BMAL1: variants seen among roughly 807,000 people sequenced by gnomAD.
BMAL1 encodes basic helix-loop-helix ARNT-like protein 1.
chr11:13,340,124 T>A, the BMAL1 span, among the ~76,000 whole-genome samples: 16 of 152,366 alleles, frequency 1.1e-4, no homozygotes, highest in Admixed American at 5.2e-4. Context: ...CTGGCATATG[T>A]GGGTTCTCAA....
At chr11:13,300,349 G>A in the BMAL1 span, among the ~76,000 whole-genome samples, 202 of 152,302 alleles carry the variant, frequency 1.3e-3, 3 homozygotes, top group East Asian at 0.03. Flanking sequence ...AATGGCCCAA[G>A]ATTTAATAGC....
chr11:13,365,305 A>ACG, the BMAL1 span: 3 of 447,516 alleles, frequency 6.7e-6, no homozygotes, highest in Non-Finnish European at 1.2e-5. Context: ...ACACACACAC[A>ACG]CACACACACA....
chr11:13,342,051 G>A, the BMAL1 span, among the ~76,000 whole-genome samples: 40 of 152,328 alleles, frequency 2.6e-4, no homozygotes, highest in African/African-American at 9.6e-4. Flanking sequence ...GAGTGCAGAG[G>A]GGAACAAGGC....
the BMAL1 span, chr11:13,369,915 ATG>A: frequency 1.0e-6 from 1 of 990,498 alleles, no homozygotes; most frequent in Non-Finnish European, 1.5e-6. Flanking sequence ...AGTCCTCCCT[ATG>A]TGTAGGGCAG....
chr11:13,300,036 G>A, the BMAL1 span, among the ~76,000 whole-genome samples: 1 of 152,302 alleles, frequency 6.6e-6, no homozygotes, highest in Non-Finnish European at 1.5e-5. Context: ...CCTCATGGCT[G>A]TTTGAGGATG....
At chr11:13,368,649 C>G in the BMAL1 span, among the ~76,000 whole-genome samples, 1 of 152,132 alleles carries the variant, frequency 6.6e-6, no homozygotes, top group African/African-American at 2.4e-5. Context: ...GTGTGTTTTC[C>G]CTCGGCTTCT....
At chr11:13,384,565 T>C in the BMAL1 span, among the ~76,000 whole-genome samples, 1 of 152,194 alleles carries the variant, frequency 6.6e-6, no homozygotes, top group Non-Finnish European at 1.5e-5. Context: ...ATTTGAAAAG[T>C]CTATTAAAAT....
At chr11:13,326,882 C>G in the BMAL1 span, among the ~76,000 whole-genome samples, 417 of 151,780 alleles carry the variant, frequency 2.7e-3, 1 homozygote, top group African/African-American at 9.6e-3. Flanking sequence ...TGCAGTGGTG[C>G]GATCTCGGCT....
At chr11:13,354,133 T>C in the BMAL1 span, among the ~76,000 whole-genome samples, 1 of 152,234 alleles carries the variant, frequency 6.6e-6, no homozygotes, top group Non-Finnish European at 1.5e-5. Flanking sequence ...CACATGCCTG[T>C]TCTGGGTCCG....
the BMAL1 span, among the ~76,000 whole-genome samples, chr11:13,283,889 G>C: frequency 6.6e-6 from 1 of 151,862 alleles, no homozygotes; most frequent in Non-Finnish European, 1.5e-5. Flanking sequence ...GGCTCAGCCA[G>C]CTCCTCCCCA....
the BMAL1 span, chr11:13,354,995 T>C: frequency 5.3e-6 from 2 of 379,846 alleles, no homozygotes; most frequent in Non-Finnish European, 4.8e-6. Context: ...TTTAGACTTG[T>C]TGACTTTTCG....
At chr11:13,328,020 T>C in the BMAL1 span, among the ~76,000 whole-genome samples, 1 of 152,202 alleles carries the variant, frequency 6.6e-6, no homozygotes, top group Non-Finnish European at 1.5e-5. Flanking sequence ...ACTATACCTG[T>C]TTCATTGATA....
At chr11:13,369,744 C>A in the BMAL1 span, 1 of 1,611,616 alleles carries the variant, frequency 6.2e-7, no homozygotes, top group Non-Finnish European at 8.5e-7. Context: ...AAGGACTTCC[C>A]CTCTACCTGC....
the BMAL1 span, among the ~76,000 whole-genome samples, chr11:13,384,663 G>T: frequency 1.3e-5 from 2 of 152,078 alleles, no homozygotes; most frequent in Non-Finnish European, 2.9e-5. Context: ...TAGACTGAAT[G>T]GAAAAACATA....
chr11:13,357,232 A>G, the BMAL1 span: 13 of 1,321,308 alleles, frequency 9.8e-6, no homozygotes, highest in African/African-American at 1.8e-4. This position sits in a 1 kb window ranked among gnomAD's most constrained non-coding sequence, Gnocchi z 4.8. Context: ...ATAGGCAGGT[A>G]GTGGGCCTTG....
At chr11:13,349,781 G>C in the BMAL1 span, among the ~76,000 whole-genome samples, 6 of 152,304 alleles carry the variant, frequency 3.9e-5, no homozygotes, top group African/African-American at 1.2e-4. Context: ...GCAGCAAGGG[G>C]TGGTGAGTGC....
At chr11:13,318,342 A>G in the BMAL1 span, among the ~76,000 whole-genome samples, 1 of 152,138 alleles carries the variant, frequency 6.6e-6, no homozygotes, top group Admixed American at 6.5e-5. Context: ...GATTTAATAG[A>G]ATTACCTTCT....
chr11:13,385,582 CTG>C, the BMAL1 span: 2 of 727,418 alleles, frequency 2.7e-6, no homozygotes, highest in Non-Finnish European at 4.7e-6. Flanking sequence ...CAATAGAAAA[CTG>C]AAGCCATTTG....
the BMAL1 span, chr11:13,355,148 A>G: frequency 7.6e-7 from 1 of 1,315,482 alleles, no homozygotes; most frequent in Non-Finnish European, 1.1e-6. Context: ...ATGTCCATTT[A>G]AGAGGTTTTC....
Sources: gnomAD v4.1 joint callset for allele counts (sites outside exome capture counted in the v4.1 genomes callset) on GRCh38, gnomAD v4.1.1 for gene constraint, Gnocchi (gnomAD v3.1) non-coding constraint, MANE v1.5 for transcripts, NCBI Gene and HGNC (gene_info 2026-07-23, HGNC 2026-07-21) for gene names.